Variants in AP3B2 observed in about 807,000 individuals in gnomAD.
The protein encoded by AP3B2 is adaptor related protein complex 3 subunit beta 2, also known as AP-3 complex subunit beta-2.
Under a neutral mutation model 126.9 loss-of-function variants are expected in AP3B2, and 50 were observed. That is an observed-to-expected ratio of 0.39 (90% CI 0.31 to 0.50). The LOEUF (loss-of-function observed/expected upper bound fraction) is 0.50. AP3B2 is among the 20% of genes least tolerant of loss of function. AP3B2 has a pLI of 0.79. For missense variants in AP3B2, 1,177 were observed against 1,426.4 expected (o/e 0.83, Z 2.82); for synonymous variants, 541 against 565.0 (o/e 0.96, Z 0.60).
In AP3B2 at chr15:82,661,896, G is replaced by A; in HGVS notation, c.2945C>T (p.Ser982Phe). ...LCTQTRQFYV[S>F]IQPPVGELMA... ...CAGCTCCCCAACAGGTGGCTGAATG[G>A]AGACGTAGAACTGTCGGGTCTGGGT... is the stretch of plus-strand genomic sequence containing the variant. Residue 982 changes from serine (S) to phenylalanine (F), a missense_variant, in exon 25 of 27, where the codon TCC (serine) becomes TTC (phenylalanine). Physicochemically the swap from Ser to Phe is radical, Grantham distance 155. Coordinates refer to ENST00000535359, the MANE Select transcript of AP3B2 (RefSeq NM_001278512.2). The A allele has an allele frequency of 1.2e-6, 2 of 1,613,898 alleles. No homozygotes were observed. Among genetic ancestry groups the A allele is most frequent in the Non-Finnish European group, 1.7e-6 (2 of 1,179,874 alleles).
Position 82,665,266 on chromosome 15 carries a change from A to G in AP3B2, c.2009T>C (p.Leu670Pro). ...TGGGACCTCAGTGTATTCGCCCAAC[A>G]GGCCCACGTGAGTCTCAATAAGGGA... ...DLSLIETHVGLLGEYTEVPEW... is the reference protein window; with the variant it reads ...DLSLIETHVGPLGEYTEVPEW... The change falls in exon 17 of 27, where the codon CTG becomes CCG. Residue 670 changes from leucine to proline, a missense_variant. Coordinates refer to ENST00000535359, the MANE Select transcript of AP3B2 (RefSeq NM_001278512.2). The surrounding 1 kb of genome is among the most constrained non-coding windows in gnomAD (Gnocchi z 4.4). 6.5e-7 allele frequency: 1 copy of G among 1,541,768 alleles called. No individual in the cohort carries two copies.
rs181977699 is a variant in AP3B2, at chr15:82,670,647, A to G, written c.1666-3714T>C. 5.3e-5 allele frequency among the ~76,000 whole-genome samples: 8 copies of G among 152,352 alleles called. No individual in the cohort carries two copies. The Middle Eastern group carries it at 0.01, about 194-fold the overall frequency. On this transcript the variant is annotated intron_variant, in intron 14 of 26. Transcript: ENST00000535359. Reference sequence around the variant, plus strand: ...ATTCTCCAGGACATTGTACTGGGCAAAGATTTCTTGAGTGATACCCCACAA... The same window carrying G: ...ATTCTCCAGGACATTGTACTGGGCAGAGATTTCTTGAGTGATACCCCACAA...
At chr15:82,671,237 C>T (rs773253194) in intron 14 of AP3B2, among the ~76,000 whole-genome samples, 3 of 152,044 alleles carry the variant, frequency 2.0e-5, no homozygotes, top group East Asian at 1.9e-4. Context: ...GAGCCAAGAT[C>T]GCACCACTGC....
rs753548896 is a variant in AP3B2 at position 82,679,774 on chromosome 15, G to A, written c.1137C>T (p.Ser379=). ...TGGGGTCGGTGGACCTGATGTAGAAGCTCTTCAGGTAGGGCTCAAACATAC... is the reference window on the plus strand; with the variant it reads ...TGGGGTCGGTGGACCTGATGTAGAAACTCTTCAGGTAGGGCTCAAACATAC... The part of the protein sequence containing the change: ...RRGMFEPYLK[S]FYIRSTDPTQ... The change falls in exon 10 of 27, where the codon AGC becomes AGT. Residue 379 remains serine, a synonymous_variant. Transcript: ENST00000535359. The A allele has an allele frequency of 1.9e-6, 3 of 1,613,798 alleles. No homozygotes were observed. Among genetic ancestry groups the A allele is most frequent in the Non-Finnish European group, 2.5e-6 (3 of 1,179,792 alleles).
At chr15:82,661,796 C>T in intron 25 of AP3B2, 29 bp downstream of exon 25, 1 of 1,572,614 alleles carries the variant, frequency 6.4e-7, no homozygotes, top group Non-Finnish European at 8.7e-7. Context: ...CTATACTTCC[C>T]TCTCTGCCCA....
chr15:82,683,884 A>G (rs1043655396), intron 4 of AP3B2, among the ~76,000 whole-genome samples: 2 of 152,238 alleles, frequency 1.3e-5, no homozygotes, highest in African/African-American at 2.4e-5. Context: ...AGAGCTCTTG[A>G]GTGAACAAAT....
chr15:82,677,341 A>G lies in AP3B2; in HGVS notation c.1421T>C (p.Leu474Pro). ...TCCATGTTGTGCTGGCTGCATCTGT[A>G]GCAATTTCTTAATGACGACCACTGA... ...AESVVVIKKL[L>P]QMQPAQHGEI... is the part of the protein sequence containing the mutation. Residue 474 changes from leucine (L) to proline (P), a missense_variant, in exon 13 of 27, where the codon CTA becomes CCA. Physicochemically the swap from Leu to Pro is moderately conservative, Grantham distance 98. This residue lies in a region of AP3B2 where 308 missense variants were observed against 452.4 expected (regional missense o/e 0.68). Coordinates refer to ENST00000535359, the MANE Select transcript of AP3B2 (RefSeq NM_001278512.2). The G allele has an allele frequency of 6.2e-7, 1 of 1,613,968 alleles. No individual in the cohort carries two copies. Among genetic ancestry groups the G allele is most frequent in the Non-Finnish European group, 8.5e-7 (1 of 1,179,896 alleles).
chr15:82,665,387 ACACACACACACACACACACACACAC>A lies in AP3B2; in HGVS notation c.1971+45_1971+69del, dbSNP rs1450807299. ...TGTCTGCCCCCACCAACACACACAC[ACACACACACACACACACACACACAC>A]ACACACACACACACACACACACTTC... On this transcript the variant is annotated intron_variant, in intron 16 of 26. Transcript: ENST00000535359. The surrounding 1 kb of genome is among the most constrained non-coding windows in gnomAD (Gnocchi z 4.4). 1.4e-5 allele frequency: 2 copies of A among 142,640 alleles called. No individual in the cohort carries two copies. The highest frequency in any genetic ancestry group is 1.2e-4 in the African/African-American group (2 of 16,206). 8.8% of individuals were successfully genotyped at this position (142,640 alleles called of 1,614,324 possible). A position where few individuals can be genotyped will look rare whatever the true frequency, so the allele number is the denominator to read the frequency against.
chr15:82,692,290 C>T lies in AP3B2; in HGVS notation c.114-2837G>A. ...ATCCGGCCGTACTTGTAGAAAAGGTCTTCCACGTCCTTCTCGCGCACGTTG... is the reference window on the plus strand; with the variant it reads ...ATCCGGCCGTACTTGTAGAAAAGGTTTTCCACGTCCTTCTCGCGCACGTTG... On this transcript the variant is annotated intron_variant, in intron 1 of 26. Coordinates refer to ENST00000535359, the MANE Select transcript of AP3B2 (RefSeq NM_001278512.2). The T allele has an allele frequency of 1.4e-5, 10 of 689,702 alleles. No individual in the cohort carries two copies. In the South Asian group the frequency reaches 1.9e-4, roughly 13 times the overall value. 42.7% of individuals were successfully genotyped at this position (689,702 alleles called of 1,614,324 possible). A position where few individuals can be genotyped will look rare whatever the true frequency, so the allele number is the denominator to read the frequency against.
At chr15:82,662,444 C>T (rs980487061) in intron 23 of AP3B2, 192 bp from the exon 24 acceptor site, 4 of 646,718 alleles carry the variant, frequency 6.2e-6, no homozygotes, top group African/African-American at 5.5e-5. Context: ...CCCCACTCAC[C>T]CTCACCACAT....
rs1329938367 is a variant in AP3B2 at position 82,680,748 on chromosome 15, A to G, written c.779T>C (p.Leu260Pro). 1.3e-6 allele frequency: 2 copies of G among 1,586,886 alleles called. No individual in the cohort carries two copies. The highest frequency in any genetic ancestry group is 1.7e-5 in the Admixed American group (1 of 57,908). The change falls in exon 8 of 27, where the codon CTA (leucine) becomes CCA (proline). Residue 260 changes from leucine (L) to proline (P), a missense_variant. By Grantham distance (98) the Leu-to-Pro change is moderately conservative (BLOSUM62 -3). Around this residue, in one of 5 missense-constraint regions of AP3B2, gnomAD observed 103 missense variants for 101.4 expected, o/e 1.02. Transcript: ENST00000535359. This position sits in a 1 kb window ranked among gnomAD's most constrained non-coding sequence, Gnocchi z 6.1. ...GGCTTTTTCCGCGTTCTCCTCTAGT[A>G]GGGATTCCTGGACGGGGAGACCGAC... ...QFLSPTQNES[L>P]LEENAEKAFY...
chr15:82,695,347 C>A (rs2151456127), intron 1 of AP3B2, among the ~76,000 whole-genome samples: 1 of 152,208 alleles, frequency 6.6e-6, no homozygotes, highest in African/African-American at 2.4e-5. Flanking sequence ...GATCCACCCG[C>A]CTTGGCCTCC....
At chr15:82,668,435 C>T (rs2048094069) in intron 14 of AP3B2, among the ~76,000 whole-genome samples, 1 of 152,248 alleles carries the variant, frequency 6.6e-6, no homozygotes, top group Admixed American at 6.5e-5. Flanking sequence ...CCCTTACCAA[C>T]ATAGTCAATT....
chr15:82,659,767 G>A, intron 26 of AP3B2, 57 bp from the exon 27 acceptor site: 3 of 1,609,524 alleles, frequency 1.9e-6, no homozygotes, highest in Non-Finnish European at 2.6e-6. Context: ...GTGTTTGGAA[G>A]GGGATCAGCA....
chr15:82,703,660 C>T (rs1453134288), intron 1 of AP3B2, among the ~76,000 whole-genome samples: 1 of 152,110 alleles, frequency 6.6e-6, no homozygotes, highest in Non-Finnish European at 1.5e-5. Flanking sequence ...CTAGATAATT[C>T]TTGTTGTAAA....
Position 82,681,659 on chromosome 15 carries a change from C to G in AP3B2, c.361-79G>C. 1 of 1,469,384 alleles carries G rather than the reference C, an allele frequency of 6.8e-7. No homozygotes were observed. The highest frequency in any genetic ancestry group is 9.2e-7 in the Non-Finnish European group (1 of 1,086,966). The allele number at this position is 1,469,384 out of a possible 1,614,324, so 91.0% of individuals were successfully genotyped here. A position where few individuals can be genotyped will look rare whatever the true frequency, so the allele number is the denominator to read the frequency against. Reference sequence around the variant, plus strand: ...GGGGAGGCCACACCTTTGGAAGTCACTGTCCCCAGCGACCACTAGCTCTTG... The same window carrying G: ...GGGGAGGCCACACCTTTGGAAGTCAGTGTCCCCAGCGACCACTAGCTCTTG... On this transcript the variant is annotated intron_variant, in intron 4 of 26. Transcript: ENST00000535359. This position sits in a 1 kb window ranked among gnomAD's most constrained non-coding sequence, Gnocchi z 4.0.
intron 25 of AP3B2, among the ~76,000 whole-genome samples, 173 bp downstream of exon 25, chr15:82,661,652 A>G (rs1206604627): frequency 1.3e-5 from 2 of 152,206 alleles, no homozygotes; most frequent in Non-Finnish European, 2.9e-5. Flanking sequence ...TGTAACTGCA[A>G]CAGAGACCAC....
chr15:82,709,232 C>T (rs927197067), intron 1 of AP3B2, among the ~76,000 whole-genome samples: 34 of 152,150 alleles, frequency 2.2e-4, no homozygotes, highest in African/African-American at 8.2e-4. Context: ...CAGACCCCTC[C>T]CCCACATTTT....
intron 4 of AP3B2, among the ~76,000 whole-genome samples, chr15:82,682,250 G>A (rs1379334120): frequency 7.9e-5 from 12 of 151,634 alleles, no homozygotes; most frequent in Non-Finnish European, 1.0e-4. Context: ...ATTAGGTTTC[G>A]CCGTGTTGGC....
Sources: gnomAD v4.1 joint callset for allele counts (sites outside exome capture counted in the v4.1 genomes callset) on GRCh38, gnomAD v4.1.1 for gene constraint, gnomAD v4.1.1 regional missense constraint, Gnocchi (gnomAD v3.1) non-coding constraint, MANE v1.5 for transcripts, NCBI Gene and HGNC (gene_info 2026-07-23, HGNC 2026-07-21) for gene names.